The following NAV2 variants were observed in gnomAD, a reference collection of about 807,000 sequenced individuals.
The protein encoded by NAV2 is neuron navigator 2, also known as helicase, APC down-regulated 1.
NAV2 carries 54 observed loss-of-function variants against 223.2 expected under a neutral mutation model. The ratio of observed to expected loss-of-function variants is 0.24; its 90% confidence interval spans 0.19 to 0.30. NAV2 has a LOEUF of 0.30. Among genes scored for constraint, NAV2 ranks in the 10% least tolerant of loss-of-function variants. The pLI is 1.00. For synonymous variants in NAV2, 1,279 were observed against 1,239.3 expected (o/e 1.03, Z -0.67); for missense variants, 2,806 against 3,147.5 (o/e 0.89, Z 2.60).
intron 6 of NAV2, among the ~76,000 whole-genome samples, chr11:19,895,890 C>T (rs903371727): frequency 6.6e-6 from 1 of 151,984 alleles, no homozygotes; most frequent in Admixed American, 6.6e-5. Flanking sequence ...AATAACCACC[C>T]GGGTAAGACA....
rs201727696 is a variant in NAV2, at chr11:19,945,115, CTCTTTCTT to C, written c.2147-1269_2147-1262del. Reference sequence around the variant, plus strand: ...CTTCTCTTCTCTTCTTTCTTTTTTTCTCTTTCTTTCTTTCTTTCTTTCTTCCTTTCTTT... The same window carrying C: ...CTTCTCTTCTCTTCTTTCTTTTTTTCTCTTTCTTTCTTTCTTCCTTTCTTT... On this transcript the variant is annotated intron_variant, in intron 8 of 37. Coordinates refer to ENST00000349880, the MANE Select transcript of NAV2 (RefSeq NM_145117.5). Among the ~76,000 whole-genome samples the C allele has an allele frequency of 7.5e-3, 967 of 129,456 alleles. 55 individuals are homozygous for C. The highest frequency in any genetic ancestry group is 0.071 in the Admixed American group (799 of 11,330). 84.9% of individuals were successfully genotyped at this position (129,456 alleles called of 152,430 possible).
In NAV2 at chr11:19,933,962, C is replaced by A. The variant is rs377442205; in HGVS notation, c.1718C>A (p.Pro573His). 2.9e-5 allele frequency: 47 copies of A among 1,596,602 alleles called. No homozygotes were observed. Among genetic ancestry groups the A allele is most frequent in the Non-Finnish European group, 3.9e-5 (46 of 1,173,158 alleles). The part of the protein sequence containing the change: ...GIPKPGMKSM[P>H]GKSPSAPAPS... ...CCAAAACCAGGAATGAAAAGCATGC[C>A]CGGGAAATCCCCAAGTGCCCCAGCG... The change falls in exon 7 of 38, where the codon CCC becomes CAC. Residue 573 changes from proline to histidine, a missense_variant. Around this residue, in one of 4 missense-constraint regions of NAV2, gnomAD observed 1,167 missense variants for 1,180.5 expected, o/e 0.99. Coordinates refer to ENST00000349880, the MANE Select transcript of NAV2 (RefSeq NM_145117.5). The surrounding 1 kb of genome is among the most constrained non-coding windows in gnomAD (Gnocchi z 4.3).
chr11:19,726,914 C>T (rs2051300385), intron 1 of NAV2, among the ~76,000 whole-genome samples: 1 of 152,232 alleles, frequency 6.6e-6, no homozygotes, highest in African/African-American at 2.4e-5. Context: ...CCACAAAGTA[C>T]TGTCGCCACC....
intron 3 of NAV2, among the ~76,000 whole-genome samples, chr11:19,844,934 G>GAGT (rs1462579287): frequency 6.6e-6 from 1 of 152,018 alleles, no homozygotes; most frequent in African/African-American, 2.4e-5. Context: ...GCCTAGCAGA[G>GAGT]AGTAGTTCAG....
intron 1 of NAV2, among the ~76,000 whole-genome samples, chr11:19,492,069 C>A (rs12275581): frequency 0.019 from 2,848 of 152,128 alleles, 98 homozygotes; most frequent in African/African-American, 0.065. Context: ...GCCATCTAAT[C>A]TTGGGCACAG....
chr11:20,050,283 G>T (rs2057853235), intron 16 of NAV2, among the ~76,000 whole-genome samples: 1 of 152,110 alleles, frequency 6.6e-6, no homozygotes, highest in Non-Finnish European at 1.5e-5. Flanking sequence ...CACCCACTGT[G>T]TAGCTTGGCC....
chr11:20,016,441 G>A (rs1220966888), intron 11 of NAV2, among the ~76,000 whole-genome samples: 1 of 152,240 alleles, frequency 6.6e-6, no homozygotes, highest in Non-Finnish European at 1.5e-5. Context: ...AGGAATATGT[G>A]TGCTTTTACA....
chr11:19,529,381 C>A (rs2043952930), intron 1 of NAV2, among the ~76,000 whole-genome samples: 1 of 152,214 alleles, frequency 6.6e-6, no homozygotes, highest in Admixed American at 6.5e-5. Flanking sequence ...GGTACAGCTG[C>A]TCCCTGAGAG....
chr11:19,774,246 A>C (rs2055949128), intron 1 of NAV2, among the ~76,000 whole-genome samples: 1 of 152,210 alleles, frequency 6.6e-6, no homozygotes, highest in Admixed American at 6.5e-5. Flanking sequence ...GAACCATCAT[A>C]GCTCATTGCA....
chr11:19,565,663 C>T (rs1176005633), intron 1 of NAV2, among the ~76,000 whole-genome samples: 2 of 152,068 alleles, frequency 1.3e-5, no homozygotes, highest in Non-Finnish European at 2.9e-5. Context: ...TTTTTTTCCA[C>T]AGAAATTAAT....
At chr11:19,785,605 A>G (rs535678190) in intron 1 of NAV2, among the ~76,000 whole-genome samples, 6 of 151,558 alleles carry the variant, frequency 4.0e-5, no homozygotes, top group Non-Finnish European at 8.8e-5. Context: ...CAATGAATTC[A>G]TGTTTTGAAA....
chr11:19,461,315 C>T (rs1413724302), intron 1 of NAV2, among the ~76,000 whole-genome samples: 4 of 152,056 alleles, frequency 2.6e-5, no homozygotes, highest in African/African-American at 7.2e-5. Flanking sequence ...TATAGTGCTA[C>T]GATTATTTTA....
chr11:19,361,853 G>C (rs1317724145), intron 1 of NAV2, among the ~76,000 whole-genome samples: 1 of 152,124 alleles, frequency 6.6e-6, no homozygotes, highest in East Asian at 1.9e-4. Flanking sequence ...TTCCTATAGA[G>C]TCTCCAAATC....
In NAV2 at chr11:19,705,997, T is replaced by C. The variant is rs550387010; in HGVS notation, c.76-126487T>C. Among the ~76,000 whole-genome samples, 7 of 152,274 alleles carry C rather than the reference T, an allele frequency of 4.6e-5. No homozygotes were observed. In the East Asian group the frequency reaches 5.8e-4, roughly 13 times the overall value. On this transcript the variant is annotated intron_variant, in intron 1 of 37. Transcript: ENST00000360655. ...GCTCACTAATGTATCTCTAAGACCA[T>C]ATACTCAGAGGACCTCTTGAGCAGC...
chr11:19,483,423 A>T (rs996117794), intron 1 of NAV2, among the ~76,000 whole-genome samples: 1 of 152,140 alleles, frequency 6.6e-6, no homozygotes, highest in African/African-American at 2.4e-5. Context: ...TGTTCAAGTA[A>T]CCATTATTGC....
intron 7 of NAV2, 66 bp downstream of exon 7, chr11:19,934,343 G>T: frequency 6.8e-7 from 1 of 1,480,336 alleles, no homozygotes; most frequent in East Asian, 2.3e-5. Context: ...AGTGGATTCC[G>T]GGTCTGTAAG....
intron 3 of NAV2, among the ~76,000 whole-genome samples, chr11:19,847,714 T>A (rs968453551): frequency 1.3e-5 from 2 of 152,180 alleles, no homozygotes; most frequent in African/African-American, 4.8e-5. Flanking sequence ...AGTGATAAAA[T>A]ATAACCAAAG....
chr11:19,529,973 T>C (rs1282309256), intron 1 of NAV2, among the ~76,000 whole-genome samples: 1 of 152,182 alleles, frequency 6.6e-6, no homozygotes, highest in Non-Finnish European at 1.5e-5. Flanking sequence ...TGGAAGGTCA[T>C]GGGATATTTC....
intron 1 of NAV2, among the ~76,000 whole-genome samples, chr11:19,498,858 G>T (rs1453525840): frequency 6.6e-6 from 1 of 152,184 alleles, no homozygotes; most frequent in Non-Finnish European, 1.5e-5. Context: ...GATGTACAAA[G>T]CTTTGTTCAG....
Sources: allele counts gnomAD v4.1 joint callset (sites outside exome capture counted in the v4.1 genomes callset), GRCh38; gene constraint gnomAD v4.1.1; regional missense constraint gnomAD v4.1.1; non-coding constraint Gnocchi (gnomAD v3.1); transcripts MANE v1.5; gene names NCBI Gene and HGNC (gene_info 2026-07-23, HGNC 2026-07-21).